The following NCOA3 variants were observed in gnomAD, a reference collection of about 807,000 sequenced individuals.
The protein encoded by NCOA3 is nuclear receptor coactivator 3.
NCOA3 carries 51 observed loss-of-function variants against 158.8 expected under a neutral mutation model. That is an observed-to-expected ratio of 0.32 (90% CI 0.26 to 0.41). The LOEUF (loss-of-function observed/expected upper bound fraction) is 0.41, where lower values mean the gene tolerates loss of function less well. NCOA3 is among the 10% of genes least tolerant of loss of function. The pLI is 1.00. For synonymous variants in NCOA3, 537 were observed against 592.4 expected (o/e 0.91, Z 1.36); for missense variants, 1,510 against 1,746.6 (o/e 0.86, Z 2.41).
intron 1 of NCOA3, among the ~76,000 whole-genome samples, chr20:47,516,333 C>T (rs1476227453): frequency 6.6e-6 from 1 of 151,980 alleles, no homozygotes; most frequent in Non-Finnish European, 1.5e-5. Context: ...GAACCTAAAA[C>T]GCCTCTAACA....
chr20:47,618,196 C>G (rs755505125), intron 2 of NCOA3, among the ~76,000 whole-genome samples: 1 of 152,126 alleles, frequency 6.6e-6, no homozygotes, highest in Admixed American at 6.5e-5. Flanking sequence ...GATCATGCCA[C>G]TGCACTCCAG....
At chr20:47,614,563 A>G (rs1376275419) in intron 2 of NCOA3, among the ~76,000 whole-genome samples, 1 of 152,204 alleles carries the variant, frequency 6.6e-6, no homozygotes, top group Non-Finnish European at 1.5e-5. Context: ...AAGTTAGGGA[A>G]ACAAGCCTGA....
intron 1 of NCOA3, among the ~76,000 whole-genome samples, chr20:47,506,835 T>G (rs1026664027): frequency 6.6e-6 from 1 of 152,212 alleles, no homozygotes; most frequent in African/African-American, 2.4e-5. Context: ...ACATTTTTCA[T>G]CTGTTATTCC....
chr20:47,538,509 A>G (rs995382811), intron 1 of NCOA3, among the ~76,000 whole-genome samples: 3 of 152,112 alleles, frequency 2.0e-5, no homozygotes, highest in Non-Finnish European at 2.9e-5. Context: ...GCCTCCTTAA[A>G]GAAGTTTGTG....
chr20:47,544,693 C>G (rs1207256417), intron 1 of NCOA3, among the ~76,000 whole-genome samples: 5 of 152,170 alleles, frequency 3.3e-5, no homozygotes, highest in Admixed American at 1.3e-4. Context: ...CAGTTGATAT[C>G]AGGTAATCAG....
chr20:47,579,216 C>T (rs1159177201), intron 1 of NCOA3, among the ~76,000 whole-genome samples: 1 of 152,224 alleles, frequency 6.6e-6, no homozygotes, highest in East Asian at 1.9e-4. Flanking sequence ...AGCAATCTTC[C>T]TGCCTCAGCC....
At chr20:47,583,334 C>T (rs183843293) in intron 2 of NCOA3, 73 bp downstream of exon 2, 76 of 396,622 alleles carry the variant, frequency 1.9e-4, no homozygotes, top group Non-Finnish European at 2.9e-4. Flanking sequence ...TTACCCTCCT[C>T]TTTAATTTAT....
At chr20:47,627,277 A>G in intron 6 of NCOA3, 101 bp downstream of exon 6, 1 of 952,610 alleles carries the variant, frequency 1.0e-6, no homozygotes, top group Non-Finnish European at 1.5e-6. Context: ...CGATCAAATG[A>G]GGGTAGAAAG....
intron 1 of NCOA3, among the ~76,000 whole-genome samples, chr20:47,561,545 T>C (rs1439513664): frequency 6.6e-6 from 1 of 151,648 alleles, no homozygotes; most frequent in Non-Finnish European, 1.5e-5. Flanking sequence ...TCTCCAACTC[T>C]AAGCCTCAAG....
intron 2 of NCOA3, among the ~76,000 whole-genome samples, chr20:47,613,042 AAGAG>A (rs1430712747): frequency 6.6e-6 from 1 of 152,238 alleles, no homozygotes; most frequent in African/African-American, 2.4e-5. Context: ...TGCAAGAAGG[AAGAG>A]AGAATGGAAC....
At chr20:47,580,267 C>A (rs2085430407) in intron 1 of NCOA3, among the ~76,000 whole-genome samples, 1 of 152,070 alleles carries the variant, frequency 6.6e-6, no homozygotes, top group African/African-American at 2.4e-5. Context: ...TACTTTCTGA[C>A]TCAAATTCCT....
chr20:47,626,148 A>G (rs1410862372), intron 5 of NCOA3, among the ~76,000 whole-genome samples: 1 of 152,216 alleles, frequency 6.6e-6, no homozygotes, highest in Admixed American at 6.5e-5. Flanking sequence ...ATGGTTTTAT[A>G]TTCTTGAGGA....
chr20:47,504,214 A>C (rs1342546918), intron 1 of NCOA3, among the ~76,000 whole-genome samples: 5 of 152,208 alleles, frequency 3.3e-5, no homozygotes, highest in Admixed American at 2.6e-4. Context: ...ATATTAAATA[A>C]TTTAACTGTA....
chr20:47,649,056 G>A lies in NCOA3; in HGVS notation c.3598G>A (p.Ala1200Thr). Reference sequence around the variant, plus strand: ...TGAATTGAAAATGGAAAACCCTACTGCTGGTGGTGCTGCGGTGATGAGGCC... The same window carrying A: ...TGAATTGAAAATGGAAAACCCTACTACTGGTGGTGCTGCGGTGATGAGGCC... The part of the protein sequence containing the change: ...ALELKMENPT[A>T]GGAAVMRPMM... Residue 1200 changes from alanine (A) to threonine (T), a missense_variant, in exon 19 of 23, where the codon GCT becomes ACT. Physicochemically the swap from Ala to Thr is moderately conservative, Grantham distance 58. Coordinates refer to ENST00000371998, the MANE Select transcript of NCOA3 (RefSeq NM_181659.3). 6.2e-7 allele frequency: 1 copy of A among 1,614,114 alleles called. No individual in the cohort carries two copies. The highest frequency in any genetic ancestry group is 1.1e-5 in the South Asian group (1 of 91,086).
intron 2 of NCOA3, among the ~76,000 whole-genome samples, chr20:47,602,725 A>T (rs1602469570): frequency 6.6e-6 from 1 of 152,302 alleles, no homozygotes; most frequent in African/African-American, 2.4e-5. Context: ...ATTTTTGTGT[A>T]TGAGAATTTT....
At chr20:47,532,424 T>C (rs1478422200) in intron 1 of NCOA3, among the ~76,000 whole-genome samples, 1 of 151,960 alleles carries the variant, frequency 6.6e-6, no homozygotes, top group African/African-American at 2.4e-5. Flanking sequence ...CAGTGAGGCC[T>C]TGCAGACAGT....
At chr20:47,628,228 A>G (rs2086354991) in intron 8 of NCOA3, among the ~76,000 whole-genome samples, 1 of 151,968 alleles carries the variant, frequency 6.6e-6, no homozygotes, top group Non-Finnish European at 1.5e-5. Context: ...TGAATTGGGT[A>G]TGTTTGGCAT....
chr20:47,609,817 TTTTA>T (rs1299088965), intron 2 of NCOA3, among the ~76,000 whole-genome samples: 5 of 152,232 alleles, frequency 3.3e-5, no homozygotes, highest in African/African-American at 1.2e-4. Flanking sequence ...TATTTTTTAT[TTTTA>T]TTTTTTAATG....
Position 47,636,276 on chromosome 20 carries a change from TGACCGGGG to T in NCOA3, c.1891_1898del (p.Asp631SerfsTer14), listed in dbSNP as rs2086514108. The T allele has an allele frequency of 6.2e-7, 1 of 1,614,104 alleles. No individual in the cohort carries two copies. The highest frequency in any genetic ancestry group is 8.5e-7 in the Non-Finnish European group (1 of 1,180,054). On this transcript the variant is annotated frameshift_variant, in exon 12 of 23. Coordinates refer to ENST00000371998, the MANE Select transcript of NCOA3 (RefSeq NM_181659.3). LOFTEE classifies it high-confidence loss of function. Reference sequence around the variant, plus strand: ...TGCAGTTACTTACCTGTTCTTCTGATGACCGGGGTCATTCCTCCTTGACCAACTCCCCC... The same window carrying T: ...TGCAGTTACTTACCTGTTCTTCTGATTCATTCCTCCTTGACCAACTCCCCC...
Sources: gnomAD v4.1 joint callset for allele counts (sites outside exome capture counted in the v4.1 genomes callset) on GRCh38, gnomAD v4.1.1 for gene constraint, MANE v1.5 for transcripts, NCBI Gene and HGNC (gene_info 2026-07-23, HGNC 2026-07-21) for gene names.